RNF13: variants seen among roughly 807,000 people sequenced by gnomAD.
RNF13 encodes the protein E3 ubiquitin-protein ligase RNF13.
RNF13 carries 19 observed loss-of-function variants against 37.7 expected under a neutral mutation model. The ratio of observed to expected loss-of-function variants is 0.50; its 90% confidence interval spans 0.35 to 0.74. The LOEUF is 0.74. RNF13 is among the 30% of genes least tolerant of loss of function. The probability of loss-of-function intolerance (pLI) is 0.01; values close to 1 mark genes in which losing one functional copy is unlikely to be tolerated. For missense variants in RNF13, 375 were observed against 453.0 expected, an observed-to-expected ratio of 0.83 and a Z score of 1.56; for synonymous variants, 144 against 157.8, an observed-to-expected ratio of 0.91 and a Z score of 0.65.
At chr3:149,839,550 G>A (rs559659812) in intron 1 of RNF13, among the ~76,000 whole-genome samples, 2 of 151,066 alleles carry the variant, frequency 1.3e-5, no homozygotes, top group South Asian at 4.3e-4. Flanking sequence ...GCAAGCAAGA[G>A]AGCATGTGCA....
intron 7 of RNF13, among the ~76,000 whole-genome samples, chr3:149,915,177 T>A (rs992451720): frequency 5.9e-5 from 9 of 152,216 alleles, no homozygotes. Flanking sequence ...TTAATATGCT[T>A]TGTAAATTTT....
In RNF13 at chr3:149,902,114, G is replaced by C. The variant is rs570915219; in HGVS notation, c.452G>C (p.Gly151Ala). Residue 151 changes from glycine to alanine, a missense_variant, in exon 6 of 10, where the codon GGT becomes GCT. Physicochemically the swap from Gly to Ala is moderately conservative, Grantham distance 60. Coordinates refer to ENST00000392894, the MANE Select transcript of RNF13 (RefSeq NM_183381.3). ...ATTGACATTCCATCTGTCTTTATTG[G>C]TGAATCATCAGCTAATTCTCTGAAA... is the stretch of plus-strand genomic sequence containing the variant. ...KKIDIPSVFIGESSANSLKDE... is the reference protein window; with the variant it reads ...KKIDIPSVFIAESSANSLKDE... 5 of 1,515,200 alleles carry C rather than the reference G, an allele frequency of 3.3e-6. No individual in the cohort carries two copies. The East Asian group carries it at 1.0e-4, about 31-fold the overall frequency. 93.9% of individuals were successfully genotyped at this position (1,515,200 alleles called of 1,614,324 possible). A position where few individuals can be genotyped will look rare whatever the true frequency, so the allele number is the denominator to read the frequency against.
At chr3:149,854,203 G>T (rs1233184386) in intron 3 of RNF13, among the ~76,000 whole-genome samples, 1 of 151,550 alleles carries the variant, frequency 6.6e-6, no homozygotes, top group Non-Finnish European at 1.5e-5. Context: ...TCTGGGAGGG[G>T]CATTGAATTT....
In RNF13 at chr3:149,961,684, C is replaced by T. The variant is rs1362742833; in HGVS notation, c.*580C>T. 1 of 169,954 alleles carries T rather than the reference C, an allele frequency of 5.9e-6. No individual in the cohort carries two copies. The highest frequency in any genetic ancestry group is 2.4e-5 in the African/African-American group (1 of 41,586). The allele number at this position is 169,954 out of a possible 1,614,324, so 10.5% of individuals were successfully genotyped here. ...GTCTATACTAGTGCAGATTTCAACA[C>T]TTTTTTTTAACGTTTTAATTACTAT... is the stretch of plus-strand genomic sequence containing the variant. On this transcript the variant is annotated 3_prime_UTR_variant, in exon 10 of 10. Coordinates refer to ENST00000392894, the MANE Select transcript of RNF13 (RefSeq NM_183381.3).
chr3:149,845,433 T>C, intron 1 of RNF13, among the ~76,000 whole-genome samples: 1 of 152,174 alleles, frequency 6.6e-6, no homozygotes, highest in Non-Finnish European at 1.5e-5. Context: ...GAGGTAGTTA[T>C]GCTGTTGCCA....
intron 8 of RNF13, among the ~76,000 whole-genome samples, chr3:149,945,723 T>G (rs1317819639): frequency 6.6e-6 from 1 of 152,156 alleles, no homozygotes; most frequent in Non-Finnish European, 1.5e-5. Context: ...ATGAAGCTTC[T>G]GGAGGAACAA....
At chr3:149,915,721 T>C (rs1166544955) in intron 7 of RNF13, among the ~76,000 whole-genome samples, 1 of 152,242 alleles carries the variant, frequency 6.6e-6, no homozygotes, top group Non-Finnish European at 1.5e-5. Context: ...CTTGACTTTA[T>C]GCTACGTGAA....
chr3:149,936,515 C>A (rs1378140665), intron 8 of RNF13, among the ~76,000 whole-genome samples: 2 of 152,008 alleles, frequency 1.3e-5, no homozygotes, highest in African/African-American at 4.8e-5. Flanking sequence ...AAAACCCTCT[C>A]ATGCATTTTC....
At position 149,938,334 on chromosome 3, in the gene RNF13, T is replaced by G. The variant is rs368027191; in HGVS notation, c.700+17107T>G. 7.3e-4 allele frequency among the ~76,000 whole-genome samples: 111 copies of G among 151,924 alleles called. 1 individual carries two copies. The East Asian group carries it at 0.019, about 26-fold the overall frequency. On this transcript the variant is annotated intron_variant, in intron 8 of 9. Transcript: ENST00000392894. ...CTGGGACTATAGGTGCAGACCACCA[T>G]GCCCGGCTAATTTTTGTATTTTTTA... is the stretch of plus-strand genomic sequence containing the variant.
At chr3:149,812,703 C>T (rs1236842401), upstream of RNF13, 1 of 152,542 alleles carries the variant, frequency 6.6e-6, no homozygotes, top group East Asian at 1.9e-4. Flanking sequence ...AGGCCTCGCC[C>T]TCGCCTCTTT....
intron 2 of RNF13, among the ~76,000 whole-genome samples, chr3:149,849,218 ACATGTTAG>A (rs1722918083): frequency 6.6e-6 from 1 of 152,222 alleles, no homozygotes; most frequent in South Asian, 2.1e-4. Flanking sequence ...TCCACAAGTG[ACATGTTAG>A]TTTTGAGTAG....
chr3:149,940,884 T>G (rs1190705514), intron 8 of RNF13, among the ~76,000 whole-genome samples: 9 of 152,190 alleles, frequency 5.9e-5, no homozygotes. Context: ...TAACCACATT[T>G]CTGCTGTTTC....
At chr3:149,861,207 A>T (rs115149113) in intron 3 of RNF13, among the ~76,000 whole-genome samples, 6,144 of 147,710 alleles carry the variant, frequency 0.042, 162 homozygotes, top group Middle Eastern at 0.066. Flanking sequence ...ATGGAGATTT[A>T]AAAAAAAAAA....
chr3:149,865,193 C>A, intron 3 of RNF13, among the ~76,000 whole-genome samples: 1 of 151,402 alleles, frequency 6.6e-6, no homozygotes, highest in East Asian at 1.9e-4. Flanking sequence ...AAAATAAAAA[C>A]AAGCATCTCC....
chr3:149,870,210 G>A (rs1028568802), intron 3 of RNF13, among the ~76,000 whole-genome samples: 1 of 151,674 alleles, frequency 6.6e-6, no homozygotes, highest in African/African-American at 2.4e-5. Context: ...CCAAGATAGT[G>A]GGCAATCTGG....
chr3:149,872,450 T>C (rs1411424203), intron 4 of RNF13, among the ~76,000 whole-genome samples: 2 of 152,252 alleles, frequency 1.3e-5, no homozygotes, highest in Non-Finnish European at 2.9e-5. Context: ...ATCTCAAACC[T>C]ACATCTATAC....
At chr3:149,919,360 T>C (rs963653775) in intron 7 of RNF13, among the ~76,000 whole-genome samples, 3 of 152,192 alleles carry the variant, frequency 2.0e-5, no homozygotes, top group Non-Finnish European at 2.9e-5. Flanking sequence ...AGTTTGGCAA[T>C]GCCTTCCTTC....
At chr3:149,815,303 G>A (rs1719323858) in intron 1 of RNF13, among the ~76,000 whole-genome samples, 2 of 152,178 alleles carry the variant, frequency 1.3e-5, no homozygotes, top group Admixed American at 1.3e-4. Flanking sequence ...TATAGTTCTT[G>A]CCATAAGAGA....
intron 3 of RNF13, among the ~76,000 whole-genome samples, chr3:149,854,162 C>T (rs544378191): frequency 1.5e-4 from 23 of 151,870 alleles, no homozygotes; most frequent in East Asian, 7.8e-4. Flanking sequence ...ATACCACAAA[C>T]CTATTATTCT....
Sources: allele counts gnomAD v4.1 joint callset (sites outside exome capture counted in the v4.1 genomes callset), GRCh38; gene constraint gnomAD v4.1.1; transcripts MANE v1.5; gene names NCBI Gene and HGNC (gene_info 2026-07-23, HGNC 2026-07-21).